Variants in GAREM2 observed in about 807,000 individuals in gnomAD.
GAREM2 encodes the protein GRB2-associated and regulator of MAPK protein 2.
In GAREM2, 30 loss-of-function variants were observed where a neutral mutation model predicts 55.6. The observed-to-expected ratio is 0.54, with a 90% CI of 0.40 to 0.73. The LOEUF is 0.73. GAREM2 is among the 30% of genes least tolerant of loss of function. The pLI, the probability that GAREM2 is intolerant of heterozygous loss-of-function variation, is 0.00. For synonymous variants in GAREM2, 550 were observed against 569.1 expected, an observed-to-expected ratio of 0.97 and a Z score of 0.48; for missense variants, 1,075 against 1,257.7, an observed-to-expected ratio of 0.85 and a Z score of 2.20.
intron 2 of GAREM2, chr2:26,182,281 A>C: frequency 4.2e-6 from 6 of 1,432,420 alleles, no homozygotes; most frequent in Non-Finnish European, 5.5e-6. Context: ...CAGGTTGGGA[A>C]GGCCTACTCT....
chr2:26,186,407 A>C, intron 5 of GAREM2, 49 bp downstream of exon 5: 1 of 1,520,848 alleles, frequency 6.6e-7, no homozygotes, highest in South Asian at 1.2e-5. Context: ...AGATCAAGGC[A>C]GGGAAGGGTG....
intron 3 of GAREM2, 123 bp from the exon 4 acceptor site, chr2:26,184,110 T>A: frequency 7.0e-7 from 1 of 1,421,394 alleles, no homozygotes; most frequent in Admixed American, 2.2e-5. Context: ...TGGCCTACCA[T>A]CTAGTCCGAG....
chr2:26,199,792 C>G, the GAREM2 span, among the ~76,000 whole-genome samples: 510 of 152,212 alleles, frequency 3.4e-3, 2 homozygotes, highest in Non-Finnish European at 5.3e-3. Flanking sequence ...CTCTTGGAAG[C>G]CTGCAGCCAC....
At chr2:26,195,230 C>A in the GAREM2 span, 3 of 1,612,800 alleles carry the variant, frequency 1.9e-6, no homozygotes, top group Admixed American at 1.7e-5. Flanking sequence ...GCATGCCAAT[C>A]ACCTGGCAAG....
intron 2 of GAREM2, among the ~76,000 whole-genome samples, chr2:26,176,835 A>G (rs1005047916): frequency 2.0e-5 from 3 of 152,188 alleles, no homozygotes; most frequent in Admixed American, 1.3e-4. Flanking sequence ...CCAAGAGAAC[A>G]TGTCCTGCCA....
rs776621434 is a variant in GAREM2 at position 26,184,249 on chromosome 2, TCAGCGAGGA to T, written c.410_418del (p.Asp137_Glu139del). The T allele has an allele frequency of 1.9e-6, 3 of 1,550,504 alleles. No homozygotes were observed. The highest frequency in any genetic ancestry group is 1.7e-4 in the Middle Eastern group (1 of 5,990). On this transcript the variant is annotated inframe_deletion, in exon 4 of 6. Coordinates refer to ENST00000401533, the MANE Select transcript of GAREM2 (RefSeq NM_001168241.2). ...GATCCCCAGGTGGTGTCGGGCGAGT[TCAGCGAGGA>T]CAGCGAGGTGTACAACTTCACGCTG...
In GAREM2 at chr2:26,179,348, C is replaced by G. The variant is rs1668970024; in HGVS notation, c.253+2864C>G. Among the ~76,000 whole-genome samples the G allele has an allele frequency of 6.6e-6, 1 of 152,228 alleles. No individual in the cohort carries two copies. Among genetic ancestry groups the G allele is most frequent in the African/African-American group, 2.4e-5 (1 of 41,448 alleles). On this transcript the variant is annotated intron_variant, in intron 2 of 5. Transcript: ENST00000401533. This position sits in a 1 kb window ranked among gnomAD's most constrained non-coding sequence, Gnocchi z 4.7. ...CATTTTACAGACGGGAAATCCGAAG[C>G]CCAGAGAGATTAAATAATTTGCCCA...
intron 1 of GAREM2, 92 bp from the exon 2 acceptor site, chr2:26,176,252 G>A: frequency 1.6e-6 from 2 of 1,276,736 alleles, no homozygotes; most frequent in Admixed American, 2.7e-5. Flanking sequence ...CAGGGGGGCG[G>A]TCTTGGTGAG....
intron 2 of GAREM2, among the ~76,000 whole-genome samples, chr2:26,178,234 G>A (rs1668925890): frequency 6.6e-6 from 1 of 152,258 alleles, no homozygotes; most frequent in South Asian, 2.1e-4. Context: ...AAATTTCCAA[G>A]CTTGGTTCAG....
At chr2:26,182,748 G>C (rs1669094609) in intron 2 of GAREM2, among the ~76,000 whole-genome samples, 1 of 152,196 alleles carries the variant, frequency 6.6e-6, no homozygotes, top group African/African-American at 2.4e-5. Flanking sequence ...GGAGGGCTGG[G>C]CTATAGTTGC....
chr2:26,199,882 C>A, the GAREM2 span, among the ~76,000 whole-genome samples: 1 of 152,130 alleles, frequency 6.6e-6, no homozygotes, highest in Non-Finnish European at 1.5e-5. Flanking sequence ...GTGCCCCAAC[C>A]GAGCTTCCTG....
chr2:26,193,366 C>T (rs779195946), downstream of GAREM2, among the ~76,000 whole-genome samples: 16 of 144,030 alleles, frequency 1.1e-4, no homozygotes, highest in East Asian at 1.0e-3. Context: ...TGGGCTCAAG[C>T]GATCCTCCCA....
chr2:26,201,379 G>T, the GAREM2 span: 2 of 1,183,492 alleles, frequency 1.7e-6, no homozygotes, highest in East Asian at 2.3e-5. Flanking sequence ...TTTATTGAAT[G>T]TCCATGGGCC....
chr2:26,197,540 T>C, the GAREM2 span: 1 of 684,258 alleles, frequency 1.5e-6, no homozygotes, highest in Non-Finnish European at 2.7e-6. Flanking sequence ...CTCACACTAG[T>C]CATGGTATTA....
chr2:26,187,190 C>T (rs1669290815), intron 5 of GAREM2, 41 bp from the exon 6 acceptor site: 3 of 1,419,612 alleles, frequency 2.1e-6, no homozygotes, highest in Non-Finnish European at 1.8e-6. Context: ...TCCCTCTCAG[C>T]CTCACCTGTC....
chr2:26,178,890 G>GGAGGCGGAGGCGGAGGCA (rs1000426259), intron 2 of GAREM2, among the ~76,000 whole-genome samples: 1 of 48,384 alleles, frequency 2.1e-5, no homozygotes. Context: ...GAGGGGAGGA[G>GGAGGCGGAGGCGGAGGCA]GAGGCGGAGG....
chr2:26,201,586 T>A, the GAREM2 span, among the ~76,000 whole-genome samples: 1 of 152,114 alleles, frequency 6.6e-6, no homozygotes, highest in Admixed American at 6.6e-5. Context: ...AAATGCCCAA[T>A]TTACGTAAAC....
chr2:26,180,306 A>C (rs1030027853), intron 2 of GAREM2, among the ~76,000 whole-genome samples: 4 of 152,100 alleles, frequency 2.6e-5, no homozygotes, highest in Non-Finnish European at 5.9e-5. Context: ...CCCAGCACTG[A>C]ACACACAATT....
chr2:26,182,428 G>C (rs1317113752), intron 2 of GAREM2: 1 of 1,550,336 alleles, frequency 6.5e-7, no homozygotes, highest in East Asian at 2.4e-5. Flanking sequence ...GCCAGGCCCT[G>C]GTTGGCCCAG....
Sources: gnomAD v4.1 joint callset for allele counts (sites outside exome capture counted in the v4.1 genomes callset) on GRCh38, gnomAD v4.1.1 for gene constraint, Gnocchi (gnomAD v3.1) non-coding constraint, MANE v1.5 for transcripts, NCBI Gene and HGNC (gene_info 2026-07-23, HGNC 2026-07-21) for gene names.